Variants in GALM observed in about 807,000 individuals in gnomAD.
The protein encoded by GALM is aldose 1-epimerase.
GALM carries 43 observed loss-of-function variants against 37.4 expected under a neutral mutation model. The ratio of observed to expected loss-of-function variants is 1.15; its 90% CI spans 0.90 to 1.48. The LOEUF (loss-of-function observed/expected upper bound fraction) is 1.48. Ranked by LOEUF, GALM falls within the 40% of genes most tolerant of loss-of-function variation. The probability of loss-of-function intolerance (pLI) is 0.00; values close to 1 mark genes in which losing one functional copy is unlikely to be tolerated. For synonymous variants in GALM, 199 were observed against 170.6 expected, an observed-to-expected ratio of 1.17 and a Z score of -1.30; for missense variants, 456 against 419.1, an observed-to-expected ratio of 1.09 and a Z score of -0.77.
At chr2:38,672,129 T>A (rs1665122439) in intron 1 of GALM, among the ~76,000 whole-genome samples, 2 of 152,082 alleles carry the variant, frequency 1.3e-5, no homozygotes, top group South Asian at 4.1e-4. Context: ...TGGGTAGTGG[T>A]CACTTGTAAG....
intron 2 of GALM, 74 bp downstream of exon 2, chr2:38,676,140 A>G (rs1665254790): frequency 2.0e-6 from 3 of 1,473,280 alleles, no homozygotes; most frequent in East Asian, 2.3e-5. Flanking sequence ...AGGCACAGTC[A>G]TAGGCCCTAG....
intron 3 of GALM, 51 bp from the exon 4 acceptor site, chr2:38,689,762 T>C (rs1418248072): frequency 1.9e-6 from 2 of 1,064,046 alleles, no homozygotes; most frequent in Non-Finnish European, 2.8e-6. Flanking sequence ...AAAAAACAAA[T>C]ATATGAAATA....
chr2:38,698,227 T>C (rs1244896177), intron 4 of GALM: 2 of 348,894 alleles, frequency 5.7e-6, no homozygotes, highest in Admixed American at 4.0e-5. Context: ...TATATATATA[T>C]TTTAAATAAA....
At chr2:38,677,875 A>T (rs975373690) in intron 2 of GALM, among the ~76,000 whole-genome samples, 1 of 151,966 alleles carries the variant, frequency 6.6e-6, no homozygotes, top group Admixed American at 6.6e-5. Context: ...AGACAGGAAC[A>T]TGTGTGAACA....
intron 4 of GALM, 71 bp downstream of exon 4, chr2:38,689,965 G>A (rs1665633491): frequency 2.5e-6 from 2 of 806,598 alleles, no homozygotes; most frequent in East Asian, 2.6e-5. Context: ...AAGGACATTA[G>A]TGGAGAAAGC....
chr2:38,730,630 C>T (rs1666588536), intron 5 of GALM, among the ~76,000 whole-genome samples: 1 of 152,144 alleles, frequency 6.6e-6, no homozygotes, highest in African/African-American at 2.4e-5. Flanking sequence ...AGATCAAAGA[C>T]CTTCTCCGGG....
At chr2:38,698,401 C>G (rs1248799601) in intron 4 of GALM, 1 of 1,304,332 alleles carries the variant, frequency 7.7e-7, no homozygotes, top group East Asian at 5.6e-5. Flanking sequence ...AGGCTGAGAG[C>G]TCCTTTTACC....
At position 38,734,455 on chromosome 2, in the gene GALM, A is replaced by G. The variant is rs1335208871; in HGVS notation, c.*890A>G. The G allele has an allele frequency of 6.6e-6, 1 of 151,504 alleles. No individual in the cohort carries two copies. Among genetic ancestry groups the G allele is most frequent in the Non-Finnish European group, 1.5e-5 (1 of 67,980 alleles). The allele number at this position is 151,504 out of a possible 1,614,324, so 9.4% of individuals were successfully genotyped here. A position where few individuals can be genotyped will look rare whatever the true frequency, so the allele number is the denominator to read the frequency against. On this transcript the variant is annotated 3_prime_UTR_variant, in exon 7 of 7. Coordinates refer to ENST00000272252, the MANE Select transcript of GALM (RefSeq NM_138801.3). The stretch of plus-strand genomic sequence containing the variant: ...GGAGAGGGAGGGGACTTCCGAGAGG[A>G]AAAGGCCTGCAAGAGCCTTTGGGTT...
chr2:38,682,333 T>C (rs1558580509), intron 3 of GALM: 1 of 427,870 alleles, frequency 2.3e-6, no homozygotes, highest in Admixed American at 2.5e-5. Flanking sequence ...TTCCTCTTTA[T>C]CTGAAGAACT....
At chr2:38,676,451 T>C (rs548380736) in intron 2 of GALM, among the ~76,000 whole-genome samples, 23 of 152,256 alleles carry the variant, frequency 1.5e-4, no homozygotes, top group Admixed American at 5.9e-4. Context: ...TATCACTAAA[T>C]GGGAAAACCG....
intron 4 of GALM, among the ~76,000 whole-genome samples, chr2:38,696,565 A>G (rs1036064515): frequency 2.0e-5 from 3 of 151,228 alleles, no homozygotes; most frequent in African/African-American, 7.3e-5. Context: ...CCAAATAGCT[A>G]GGATTACAGG....
intron 5 of GALM, among the ~76,000 whole-genome samples, chr2:38,730,159 C>T (rs1479171408): frequency 2.0e-5 from 3 of 152,236 alleles, no homozygotes; most frequent in Non-Finnish European, 2.9e-5. Flanking sequence ...CACCAAATCC[C>T]AGTTCCTCAT....
At chr2:38,696,156 G>C (rs543531314) in intron 4 of GALM, among the ~76,000 whole-genome samples, 1 of 151,174 alleles carries the variant, frequency 6.6e-6, no homozygotes, top group Non-Finnish European at 1.5e-5. Flanking sequence ...TTTCGCTCTT[G>C]TTGCCCAGGC....
chr2:38,706,882 C>T lies in GALM; in HGVS notation c.634+16988C>T, dbSNP rs544721079. Among the ~76,000 whole-genome samples the T allele has an allele frequency of 5.8e-3, 75 of 12,824 alleles. No individual in the cohort carries two copies. The East Asian group carries it at 0.098, about 17-fold the overall frequency. The allele number at this position is 12,824 out of a possible 152,430, so 8.4% of individuals were successfully genotyped here. A position where few individuals can be genotyped will look rare whatever the true frequency, so the allele number is the denominator to read the frequency against. On this transcript the variant is annotated intron_variant, in intron 4 of 6. Transcript: ENST00000272252. Reference sequence around the variant, plus strand: ...CATCTCTTTAAAAAAAAAAGGGGGGCGGGGGGGTCGCTATTTTAATAGTCC... The same window carrying T: ...CATCTCTTTAAAAAAAAAAGGGGGGTGGGGGGGTCGCTATTTTAATAGTCC...
intron 4 of GALM, among the ~76,000 whole-genome samples, 192 bp from the exon 5 acceptor site, chr2:38,729,364 T>TTTAC (rs1185087457): frequency 6.6e-6 from 1 of 151,656 alleles, no homozygotes; most frequent in Non-Finnish European, 1.5e-5. Context: ...ATTTTTTACA[T>TTTAC]TTATTTATTT....
At chr2:38,704,157 A>G (rs1430372602) in intron 4 of GALM, among the ~76,000 whole-genome samples, 2 of 151,696 alleles carry the variant, frequency 1.3e-5, no homozygotes, top group Non-Finnish European at 2.9e-5. Flanking sequence ...CAAAGTAATG[A>G]TAGTCTATGG....
Position 38,733,980 on chromosome 2 carries a change from G to C in GALM, c.*415G>C, listed in dbSNP as rs1029708266. On this transcript the variant is annotated 3_prime_UTR_variant, in exon 7 of 7. Transcript: ENST00000272252. ...CAACCACTGTCAGCAGCACTCTGGAGTTTTCAAATGTCACATTAGCCTCAC... is the reference window on the plus strand; with the variant it reads ...CAACCACTGTCAGCAGCACTCTGGACTTTTCAAATGTCACATTAGCCTCAC... 1 of 270,210 alleles carries C rather than the reference G, an allele frequency of 3.7e-6. No individual in the cohort carries two copies. Among genetic ancestry groups the C allele is most frequent in the African/African-American group, 2.2e-5 (1 of 45,944 alleles). 16.7% of individuals were successfully genotyped at this position (270,210 alleles called of 1,614,324 possible). A position where few individuals can be genotyped will look rare whatever the true frequency, so the allele number is the denominator to read the frequency against.
chr2:38,708,731 GAAAAAAAA>G (rs35151264), intron 4 of GALM, among the ~76,000 whole-genome samples: 1 of 91,530 alleles, frequency 1.1e-5, no homozygotes, highest in African/African-American at 3.5e-5. Context: ...TCTGTCTCAA[GAAAAAAAA>G]AAAAAAAAAA....
intron 6 of GALM, among the ~76,000 whole-genome samples, chr2:38,733,220 CAAA>C (rs10555489): frequency 4.5e-4 from 55 of 123,526 alleles, no homozygotes; most frequent in African/African-American, 4.6e-4. Context: ...GACTCCATCT[CAAA>C]AAAAAAAAAA....
Sources: gnomAD v4.1 joint callset for allele counts (sites outside exome capture counted in the v4.1 genomes callset) on GRCh38, gnomAD v4.1.1 for gene constraint, MANE v1.5 for transcripts, NCBI Gene and HGNC (gene_info 2026-07-23, HGNC 2026-07-21) for gene names.